CMTR1: variants seen among roughly 807,000 people sequenced by gnomAD.
CMTR1 encodes the protein cap-specific mRNA (nucleoside-2'-O-)-methyltransferase 1.
CMTR1 carries 39 observed loss-of-function variants against 107.0 expected under a neutral mutation model. The ratio of observed to expected loss-of-function variants is 0.36; its 90% CI spans 0.28 to 0.48. The LOEUF is 0.48. CMTR1 is among the 20% of genes least tolerant of loss of function. The pLI, the probability that CMTR1 is intolerant of heterozygous loss-of-function variation, is 0.99. For synonymous variants in CMTR1, 366 were observed against 379.5 expected (o/e 0.96, Z 0.41); for missense variants, 672 against 1,064.9 (o/e 0.63, Z 5.14).
intron 17 of CMTR1, 110 bp downstream of exon 17, chr6:37,473,711 C>T: frequency 3.0e-6 from 4 of 1,326,682 alleles, no homozygotes; most frequent in Admixed American, 2.3e-5. Flanking sequence ...CATTAAGTAG[C>T]TGTTGCTTTG....
chr6:37,440,697 C>T lies in CMTR1; in HGVS notation c.134-3302C>T, dbSNP rs569969218. On this transcript the variant is annotated intron_variant, in intron 2 of 23. Coordinates refer to ENST00000373451, the MANE Select transcript of CMTR1 (RefSeq NM_015050.3). ...AAAGTCTGGTACTGGAATTTTACAC[C>T]AGAGTCACCACTGATTTGCTTAGTG... Among the ~76,000 whole-genome samples the T allele has an allele frequency of 3.9e-5, 6 of 152,240 alleles. No homozygotes were observed. In the East Asian group the frequency reaches 9.6e-4, roughly 24 times the overall value.
intron 10 of CMTR1, 82 bp downstream of exon 10, chr6:37,459,766 C>T: frequency 2.1e-6 from 2 of 936,866 alleles, no homozygotes; most frequent in Non-Finnish European, 3.5e-6. Flanking sequence ...TTATCTGGTT[C>T]TTTAGCTGCT....
chr6:37,477,342 C>A (rs1484702667), intron 20 of CMTR1, among the ~76,000 whole-genome samples: 3 of 152,204 alleles, frequency 2.0e-5, no homozygotes, highest in African/African-American at 7.2e-5. Context: ...TCTTCAGTAT[C>A]CAGTTTCACT....
At chr6:37,466,650 T>C (rs146006992) in intron 13 of CMTR1, among the ~76,000 whole-genome samples, 145 of 152,260 alleles carry the variant, frequency 9.5e-4, no homozygotes, top group African/African-American at 3.3e-3. Flanking sequence ...CTTCCATTGG[T>C]ATATGTGTCT....
intron 10 of CMTR1, 78 bp from the exon 11 acceptor site, chr6:37,461,471 A>G: frequency 2.7e-6 from 2 of 743,870 alleles, no homozygotes; most frequent in Non-Finnish European, 4.6e-6. Flanking sequence ...AGAACTCTCG[A>G]TGAAGATGAG....
intron 18 of CMTR1, among the ~76,000 whole-genome samples, chr6:37,474,994 C>G (rs1464793133): frequency 6.6e-6 from 1 of 152,152 alleles, no homozygotes; most frequent in Non-Finnish European, 1.5e-5. Context: ...AGTATGAAAT[C>G]TATATGGTGA....
chr6:37,453,370 G>A (rs1761225634), intron 8 of CMTR1, 58 bp downstream of exon 8: 2 of 1,472,532 alleles, frequency 1.4e-6, no homozygotes, highest in Admixed American at 3.4e-5. Flanking sequence ...AGTTTCAGTG[G>A]CTCAGCCATT....
At chr6:37,425,930 G>A in the CMTR1 span, among the ~76,000 whole-genome samples, 3 of 152,154 alleles carry the variant, frequency 2.0e-5, no homozygotes, top group South Asian at 2.1e-4. Flanking sequence ...GGTCTGCTCC[G>A]TGGTGTCCCA....
At chr6:37,429,861 C>T (rs1348027184), upstream of CMTR1, among the ~76,000 whole-genome samples, 2 of 151,982 alleles carry the variant, frequency 1.3e-5, no homozygotes, top group Non-Finnish European at 2.9e-5. Context: ...TTGCTTGAAC[C>T]CGGGAGGTGG....
chr6:37,466,104 T>C (rs1761503901), intron 13 of CMTR1, among the ~76,000 whole-genome samples: 1 of 147,454 alleles, frequency 6.8e-6, no homozygotes. Context: ...TAAAGAGTTT[T>C]ACAGTTTTTG....
chr6:37,429,010 C>T (rs370296173), upstream of CMTR1, among the ~76,000 whole-genome samples: 1 of 152,048 alleles, frequency 6.6e-6, no homozygotes, highest in East Asian at 1.9e-4. Context: ...TTTTTTTCTA[C>T]CTCCTTTTCT....
At position 37,475,444 on chromosome 6, in the gene CMTR1, G is replaced by T; in HGVS notation, c.2036+32G>T. 5 of 1,581,318 alleles carry T rather than the reference G, an allele frequency of 3.2e-6. No homozygotes were observed. In the South Asian group the frequency reaches 4.5e-5, roughly 14 times the overall value. ...CCTGGGCCCCAGGGTAGGGAGGGTG[G>T]GGGTAGGCCAGGGCAGCTTGGGAGG... On this transcript the variant is annotated intron_variant, in intron 19 of 23. Coordinates refer to ENST00000373451, the MANE Select transcript of CMTR1 (RefSeq NM_015050.3).
chr6:37,470,153 T>C (rs1478533924), intron 13 of CMTR1, among the ~76,000 whole-genome samples: 2 of 144,438 alleles, frequency 1.4e-5, no homozygotes, highest in African/African-American at 5.1e-5. Flanking sequence ...TCATTCACCC[T>C]TTTTTTTTTT....
At chr6:37,431,412 T>C (rs1185241727), upstream of CMTR1, among the ~76,000 whole-genome samples, 2 of 152,240 alleles carry the variant, frequency 1.3e-5, no homozygotes, top group Non-Finnish European at 2.9e-5. Flanking sequence ...TGCTGCTTCC[T>C]AGCTCTGTAA....
At chr6:37,474,317 C>G (rs2113893501) in intron 17 of CMTR1, among the ~76,000 whole-genome samples, 1 of 152,380 alleles carries the variant, frequency 6.6e-6, no homozygotes, top group East Asian at 1.9e-4. Context: ...TGAGCCAGAT[C>G]TCTGCTTCTC....
chr6:37,459,415 C>T, intron 9 of CMTR1, 151 bp from the exon 10 acceptor site: 1 of 671,144 alleles, frequency 1.5e-6, no homozygotes, highest in Middle Eastern at 4.0e-4. Context: ...ACTGTTGTTC[C>T]TCCTGGTCCA....
At position 37,446,502 on chromosome 6, in the gene CMTR1, A is replaced by G. The variant is rs560049868; in HGVS notation, c.444+53A>G. Reference sequence around the variant, plus strand: ...AAAAGCCACTTGTGTTTTTGGATGCATGGCTTTAAGAAGCCATATCAACAA... The same window carrying G: ...AAAAGCCACTTGTGTTTTTGGATGCGTGGCTTTAAGAAGCCATATCAACAA... On this transcript the variant is annotated intron_variant, in intron 4 of 23. Coordinates refer to ENST00000373451, the MANE Select transcript of CMTR1 (RefSeq NM_015050.3). 258 of 1,573,414 alleles carry G rather than the reference A, an allele frequency of 1.6e-4. 1 individual carries two copies. The African/African-American group carries it at 3.1e-3, about 19-fold the overall frequency.
At chr6:37,463,066 G>C (rs1761435128) in intron 13 of CMTR1, 58 bp downstream of exon 13, 1 of 1,525,208 alleles carries the variant, frequency 6.6e-7, no homozygotes, top group South Asian at 1.1e-5. Context: ...AGACCAGAGA[G>C]TGAAAGACTG....
At chr6:37,453,368 T>G in intron 8 of CMTR1, 56 bp downstream of exon 8, 1 of 1,488,182 alleles carries the variant, frequency 6.7e-7, no homozygotes, top group Non-Finnish European at 9.4e-7. Flanking sequence ...TAAGTTTCAG[T>G]GGCTCAGCCA....
Sources: gnomAD v4.1 joint callset for allele counts (sites outside exome capture counted in the v4.1 genomes callset) on GRCh38, gnomAD v4.1.1 for gene constraint, MANE v1.5 for transcripts, NCBI Gene and HGNC (gene_info 2026-07-23, HGNC 2026-07-21) for gene names.